ZNF75D: variants seen among roughly 807,000 people sequenced by gnomAD.
The protein encoded by ZNF75D is zinc finger protein 75.
Under a neutral mutation model 33.3 loss-of-function variants are expected in ZNF75D, and 33 were observed. That is an observed-to-expected ratio of 0.99 (90% confidence interval 0.75 to 1.32). The LOEUF is 1.32. Ranked by LOEUF, ZNF75D falls within the 40% of genes most tolerant of loss-of-function variation. The pLI is 0.00. For synonymous variants in ZNF75D, 113 were observed against 130.6 expected (o/e 0.87, Z 0.92); for missense variants, 338 against 367.5 (o/e 0.92, Z 0.66).
intron 1 of ZNF75D, among the ~76,000 whole-genome samples, chrX:135,280,010 A>G (rs1370926897): frequency 2.7e-5 from 3 of 110,867 alleles, no homozygotes; most frequent in African/African-American, 9.8e-5. Context: ...TGCTTGGTCC[A>G]GAGCTGAGTT....
chrX:135,311,155 C>T (rs1451579508), intron 1 of ZNF75D, among the ~76,000 whole-genome samples: 1 of 112,511 alleles, frequency 8.9e-6, no homozygotes, highest in Non-Finnish European at 1.9e-5. Context: ...CAGGGAAAAT[C>T]GTGGCTAGGC....
At chrX:135,313,925 T>A (rs1309349414) in intron 1 of ZNF75D, among the ~76,000 whole-genome samples, 2 of 111,981 alleles carry the variant, frequency 1.8e-5, no homozygotes, top group African/African-American at 6.5e-5. Flanking sequence ...TAAGATCATG[T>A]CACCTGCAAA....
At chrX:135,249,639 C>G (rs1402799504) in intron 3 of ZNF75D, among the ~76,000 whole-genome samples, 1 of 102,305 alleles carries the variant, frequency 9.8e-6, no homozygotes, top group Non-Finnish European at 2.0e-5. Context: ...TTCATCCGAT[C>G]TTCCAGTTAC....
chrX:135,272,838 T>C (rs919835974), intron 1 of ZNF75D, among the ~76,000 whole-genome samples: 6 of 111,759 alleles, frequency 5.4e-5, no homozygotes, highest in African/African-American at 2.0e-4. Context: ...CTTTACTTTA[T>C]TCTCTTCATT....
Position 135,342,909 on chromosome X carries a change from G to A in ZNF75D, c.-1532C>T, listed in dbSNP as rs1349551901. On this transcript the variant is annotated 5_prime_UTR_variant, in exon 1 of 7. Coordinates refer to ENST00000370766, the MANE Select transcript of ZNF75D (RefSeq NM_007131.5). ...AAAGTCACTTGCCCAAAGTCGCACA[G>A]CTAGTAGGGAGCAGAGCCAGGAGTT... 2.7e-5 allele frequency: 3 copies of A among 111,813 alleles called. No homozygotes were observed. In the East Asian group the frequency reaches 8.4e-4, roughly 31 times the overall value. The allele number at this position is 111,813 out of a possible 1,213,427, so 9.2% of individuals were successfully genotyped here. A position where few individuals can be genotyped will look rare whatever the true frequency, so the allele number is the denominator to read the frequency against.
chrX:135,293,953 G>A lies in ZNF75D; in HGVS notation c.188C>T (p.Pro63Leu), dbSNP rs781927343. Reference protein sequence around the residue: ...WSFRYHEATGPLETISQLQKL... With the variant: ...WSFRYHEATGLLETISQLQKL... ...CTGAAGTTGGCTGATAGTCTCAAGC[G>A]GTCCGGTTGCTTCATGATAACGGAA... The change falls in exon 3 of 7, where the codon CCG (proline) becomes CTG (leucine). Residue 63 changes from proline to leucine, a missense_variant. Transcript: ENST00000370766. 5 of 1,211,260 alleles carry A rather than the reference G, an allele frequency of 4.1e-6. No homozygotes were observed. Among genetic ancestry groups the A allele is most frequent in the Middle Eastern group, 2.3e-4 (1 of 4,350 alleles).
At chrX:135,258,384 ATG>A (rs1454031562) in intron 1 of ZNF75D, among the ~76,000 whole-genome samples, 1 of 110,724 alleles carries the variant, frequency 9.0e-6, no homozygotes, top group Non-Finnish European at 1.9e-5. Context: ...GTCTCCCACA[ATG>A]GTTGAACCAA....
chrX:135,266,884 C>A lies in ZNF75D; in HGVS notation n.828-11107G>T, dbSNP rs371561038. 8.1e-5 allele frequency among the ~76,000 whole-genome samples: 9 copies of A among 111,778 alleles called. No homozygotes were observed. The South Asian group carries it at 3.3e-3, about 41-fold the overall frequency. ...GTAGGTCACAAAACAAGTCTTAAAACAATCATAAACATTGAAAAAATATCA... is the reference window on the plus strand; with the variant it reads ...GTAGGTCACAAAACAAGTCTTAAAAAAATCATAAACATTGAAAAAATATCA... On this transcript the variant is annotated intron_variant and non_coding_transcript_variant, in intron 1 of 3. Coordinates refer to the ZNF75D transcript ENST00000494295.
chrX:135,313,979 A>C (rs954624768), intron 1 of ZNF75D, among the ~76,000 whole-genome samples: 5 of 111,292 alleles, frequency 4.5e-5, no homozygotes, highest in Non-Finnish European at 7.6e-5. Flanking sequence ...GGTGTGTTTT[A>C]TTTCTTTCTC....
intron 1 of ZNF75D, chrX:135,298,099 T>C (rs1211675728): frequency 9.0e-6 from 1 of 111,703 alleles, no homozygotes; most frequent in East Asian, 2.8e-4. Flanking sequence ...TACCATCACA[T>C]TGGGGATTAC....
intron 2 of ZNF75D, chrX:135,253,130 G>A (rs1300865180): frequency 7.4e-6 from 2 of 268,779 alleles, no homozygotes; most frequent in Non-Finnish European, 1.3e-5. Context: ...GTGTGTATGG[G>A]GGTGTGTGTG....
At chrX:135,317,784 G>A (rs782284516) in intron 1 of ZNF75D, among the ~76,000 whole-genome samples, 1 of 111,465 alleles carries the variant, frequency 9.0e-6, no homozygotes, top group South Asian at 3.8e-4. Flanking sequence ...GGTAGGATGA[G>A]GAGGGACAAA....
intron 1 of ZNF75D, among the ~76,000 whole-genome samples, chrX:135,275,563 A>AT (rs2083896664): frequency 9.1e-6 from 1 of 110,287 alleles, no homozygotes; most frequent in Non-Finnish European, 1.9e-5. Context: ...TTTCCTGTTT[A>AT]TTTGTTTTTG....
At chrX:135,309,400 T>C (rs1324127385) in intron 1 of ZNF75D, 5 of 292,178 alleles carry the variant, frequency 1.7e-5, no homozygotes, top group African/African-American at 1.4e-4. Flanking sequence ...CCAGATCCAC[T>C]TGATTACATG....
At chrX:135,300,539 A>G (rs1556424340) in intron 1 of ZNF75D, among the ~76,000 whole-genome samples, 1 of 111,018 alleles carries the variant, frequency 9.0e-6, no homozygotes, top group African/African-American at 3.3e-5. Flanking sequence ...TGAGTTCAGG[A>G]GATTGAGATC....
intron 1 of ZNF75D, among the ~76,000 whole-genome samples, chrX:135,277,015 G>A (rs1041464998): frequency 7.2e-5 from 8 of 111,885 alleles, no homozygotes; most frequent in African/African-American, 2.0e-4. Context: ...CCAGTAATGC[G>A]ATTGCTGGGT....
downstream of ZNF75D, among the ~76,000 whole-genome samples, chrX:135,285,422 T>C (rs1478010480): frequency 1.8e-5 from 2 of 112,449 alleles, no homozygotes; most frequent in Non-Finnish European, 3.7e-5. Context: ...TAGAACCAAA[T>C]GAATGTCATG....
chrX:135,287,936 A>G, intron 6 of ZNF75D, 90 bp from the exon 7 acceptor site: 1 of 717,080 alleles, frequency 1.4e-6, no homozygotes, highest in Non-Finnish European at 2.1e-6. Flanking sequence ...GATTGCTTTA[A>G]AAGAAATACA....
intron 1 of ZNF75D, among the ~76,000 whole-genome samples, chrX:135,325,885 G>A (rs1454738849): frequency 8.9e-6 from 1 of 112,922 alleles, no homozygotes; most frequent in African/African-American, 3.2e-5. Context: ...CAGCCCCGGT[G>A]CAGGATCCAC....
Sources: gnomAD v4.1 joint callset for allele counts (sites outside exome capture counted in the v4.1 genomes callset) on GRCh38, gnomAD v4.1.1 for gene constraint, MANE v1.5 for transcripts, NCBI Gene and HGNC (gene_info 2026-07-23, HGNC 2026-07-21) for gene names.